The following MAPKBP1 variants were observed in gnomAD, a reference collection of about 807,000 sequenced individuals.
The protein encoded by MAPKBP1 is mitogen-activated protein kinase-binding protein 1.
Under a neutral mutation model 170.5 loss-of-function variants are expected in MAPKBP1, and 71 were observed. That is an observed-to-expected ratio of 0.42 (90% CI 0.34 to 0.51). The LOEUF (loss-of-function observed/expected upper bound fraction) is 0.51, where lower values mean the gene tolerates loss of function less well. MAPKBP1 is among the 20% of genes least tolerant of loss of function. MAPKBP1 has a pLI of 0.06. For synonymous variants in MAPKBP1, 719 were observed against 757.9 expected, an observed-to-expected ratio of 0.95 and a Z score of 0.84; for missense variants, 1,598 against 1,933.0, an observed-to-expected ratio of 0.83 and a Z score of 3.25.
In MAPKBP1 at chr15:41,824,074, C is replaced by T; in HGVS notation, c.4213+13C>T. 6.3e-7 allele frequency: 1 copy of T among 1,582,582 alleles called. No individual in the cohort carries two copies. The highest frequency in any genetic ancestry group is 8.6e-7 in the Non-Finnish European group (1 of 1,167,748). On this transcript the variant is annotated intron_variant, in intron 29 of 30. Transcript: ENST00000457542. ...AGCCAGGACTCAGGTGTGCACAGCT[C>T]CCCAGCTCTCATCTCCTGCCCCATC...
At position 41,811,918 on chromosome 15, in the gene MAPKBP1, G is replaced by T. The variant is rs771497491; in HGVS notation, c.328-39G>T. The stretch of plus-strand genomic sequence containing the variant: ...CGAAGTGGGGCTGTATGCCTGTGGA[G>T]AAGTCAAGAACTCACTTCCAGTTCT... On this transcript the variant is annotated intron_variant, in intron 5 of 30. Coordinates refer to ENST00000457542, the MANE Select transcript of MAPKBP1 (RefSeq NM_014994.3). 8.1e-6 allele frequency: 13 copies of T among 1,609,602 alleles called. No individual in the cohort carries two copies. The South Asian group carries it at 1.3e-4, about 16-fold the overall frequency.
At position 41,820,813 on chromosome 15, in the gene MAPKBP1, A is replaced by T. The variant is rs754167737; in HGVS notation, c.2482-19A>T. On this transcript the variant is annotated intron_variant, in intron 22 of 30. Transcript: ENST00000457542. ...GTGTGGTTGTTGTTACTCCTCCCCCACCCCCTACCTCCCACCAGGCACAGG... is the reference window on the plus strand; with the variant it reads ...GTGTGGTTGTTGTTACTCCTCCCCCTCCCCCTACCTCCCACCAGGCACAGG... The T allele has an allele frequency of 6.3e-7, 1 of 1,594,842 alleles. No homozygotes were observed. Among genetic ancestry groups the T allele is most frequent in the South Asian group, 1.1e-5 (1 of 90,280 alleles).
intron 3 of MAPKBP1, among the ~76,000 whole-genome samples, chr15:41,801,490 G>A (rs558319834): frequency 6.6e-6 from 1 of 152,128 alleles, no homozygotes; most frequent in South Asian, 2.1e-4. Flanking sequence ...AATTTTCATA[G>A]CAACTTTTAT....
chr15:41,809,770 C>T (rs1242290551), intron 3 of MAPKBP1, among the ~76,000 whole-genome samples: 1 of 152,268 alleles, frequency 6.6e-6, no homozygotes, highest in Admixed American at 6.5e-5. Context: ...CCGGAGCTGC[C>T]TCTGGAAAGG....
chr15:41,799,416 T>G (rs1017771398), intron 2 of MAPKBP1, among the ~76,000 whole-genome samples: 4 of 152,120 alleles, frequency 2.6e-5, no homozygotes, highest in African/African-American at 9.7e-5. Context: ...GGCCTTTCCT[T>G]CATGCCTGCC....
At chr15:41,784,656 C>T (rs986140818) in intron 2 of MAPKBP1, among the ~76,000 whole-genome samples, 1 of 151,866 alleles carries the variant, frequency 6.6e-6, no homozygotes, top group African/African-American at 2.4e-5. Context: ...GTGGCGCACA[C>T]CTGTAGTCCC....
intron 3 of MAPKBP1, among the ~76,000 whole-genome samples, chr15:41,802,686 C>A (rs2064618217): frequency 6.6e-6 from 1 of 152,206 alleles, no homozygotes; most frequent in African/African-American, 2.4e-5. Context: ...GTTGGCCAGG[C>A]TGGTCTTGAA....
intron 2 of MAPKBP1, among the ~76,000 whole-genome samples, chr15:41,789,971 G>A (rs1373586674): frequency 6.6e-6 from 1 of 152,132 alleles, no homozygotes. Flanking sequence ...ATGGTTTCTG[G>A]AACCAGACAG....
chr15:41,813,021 A>G lies in MAPKBP1; in HGVS notation c.739A>G (p.Ser247Gly). 1.2e-6 allele frequency: 2 copies of G among 1,614,124 alleles called. No homozygotes were observed. The highest frequency in any genetic ancestry group is 2.2e-5 in the South Asian group (2 of 91,076). ...VACGRGKKADSTFCITSSGLL... is the reference protein window; with the variant it reads ...VACGRGKKADGTFCITSSGLL... ...CTGTGGCAGAGGAAAAAAGGCGGAC[A>G]GTACCTTCTGCATCACGTCCTCAGG... Residue 247 changes from serine to glycine, a missense_variant, in exon 8 of 31, where the codon AGT becomes GGT. Ser to Gly is a moderately conservative substitution (Grantham distance 56). Coordinates refer to ENST00000457542, the MANE Select transcript of MAPKBP1 (RefSeq NM_014994.3).
At chr15:41,816,415 C>T (rs943003253) in intron 12 of MAPKBP1, 144 bp from the exon 13 acceptor site, 16 of 600,646 alleles carry the variant, frequency 2.7e-5, no homozygotes, top group African/African-American at 1.5e-4. Flanking sequence ...GAAATATAGA[C>T]GCTCTCTGTT....
At chr15:41,824,106 C>T in intron 29 of MAPKBP1, 45 bp downstream of exon 29, 3 of 1,546,290 alleles carry the variant, frequency 1.9e-6, no homozygotes, top group Non-Finnish European at 2.6e-6. Flanking sequence ...CATCCTTACT[C>T]TCCCCTCTCT....
chr15:41,778,874 TG>T lies in MAPKBP1; in HGVS notation c.114+3486del, dbSNP rs536306349. Among the ~76,000 whole-genome samples, 33 of 152,328 alleles carry T rather than the reference TG, an allele frequency of 2.2e-4. No individual in the cohort carries two copies. In the South Asian group the frequency reaches 6.8e-3, roughly 32 times the overall value. On this transcript the variant is annotated intron_variant, in intron 2 of 30. Transcript: ENST00000457542. ...AAAAGGATTGTCTGTGCTGGAGGGTTGCTAGATTTTTAAAAAGTAACTGAAG... is the reference window on the plus strand; with the variant it reads ...AAAAGGATTGTCTGTGCTGGAGGGTTCTAGATTTTTAAAAAGTAACTGAAG...
At position 41,792,569 on chromosome 15, in the gene MAPKBP1, CT is replaced by C. The variant is rs1207033865; in HGVS notation, c.115-7252del. Among the ~76,000 whole-genome samples the C allele has an allele frequency of 7.2e-5, 11 of 152,306 alleles. No homozygotes were observed. In the East Asian group the frequency reaches 1.7e-3, roughly 24 times the overall value. ...GAACCAAGTGGGTCCTCTCTTCTTC[CT>C]TCTGAGTTTCCACTTGTGCATGAAG... On this transcript the variant is annotated intron_variant, in intron 2 of 30. Transcript: ENST00000457542.
rs1349157716 is a variant in MAPKBP1, at chr15:41,818,268, C to T, written c.2055C>T (p.Ser685=). 7 of 1,614,026 alleles carry T rather than the reference C, an allele frequency of 4.3e-6. No individual in the cohort carries two copies. In the East Asian group the frequency reaches 1.6e-4, roughly 36 times the overall value. ...SDKNLSIFDF[S]SGECVATMFG... Reference sequence around the variant, plus strand: ...AGAATCTCTCCATTTTTGACTTCTCCTCAGGCGAGTGCGTGGCCACCATGT... The same window carrying T: ...AGAATCTCTCCATTTTTGACTTCTCTTCAGGCGAGTGCGTGGCCACCATGT... The change falls in exon 18 of 31, where the codon TCC becomes TCT. Residue 685 remains serine, a synonymous_variant. Transcript: ENST00000457542. This position sits in a 1 kb window ranked among gnomAD's most constrained non-coding sequence, Gnocchi z 5.2.
intron 2 of MAPKBP1, among the ~76,000 whole-genome samples, chr15:41,794,531 C>G (rs2064452097): frequency 6.6e-6 from 1 of 152,160 alleles, no homozygotes; most frequent in African/African-American, 2.4e-5. Context: ...ATTAAGTGCC[C>G]TTTCTGCTTG....
At chr15:41,821,096 G>A in intron 23 of MAPKBP1, 28 bp downstream of exon 23, 1 of 1,609,640 alleles carries the variant, frequency 6.2e-7, no homozygotes, top group Non-Finnish European at 8.5e-7. Context: ...CAGCTCTCTA[G>A]AGAGTTCCAA....
chr15:41,809,073 CAAA>C (rs34394712), intron 3 of MAPKBP1, among the ~76,000 whole-genome samples: 1 of 113,886 alleles, frequency 8.8e-6, no homozygotes, highest in Non-Finnish European at 1.8e-5. Flanking sequence ...GACCCTGCCT[CAAA>C]AAAAAAAAAA....
chr15:41,775,354 A>G lies in MAPKBP1; in HGVS notation c.79A>G (p.Lys27Glu). 6.2e-7 allele frequency: 1 copy of G among 1,614,194 alleles called. No homozygotes were observed. Among genetic ancestry groups the G allele is most frequent in the South Asian group, 1.1e-5 (1 of 91,090 alleles). ...TCCATCCATCAAACTGCGCAGGAGT[A>G]AGGCAGGAAACCGACGAGAGGACCT... ...RSPSIKLRRSKAGNRREDLSS... is the reference protein window; with the variant it reads ...RSPSIKLRRSEAGNRREDLSS... Residue 27 changes from lysine (K) to glutamate (E), a missense_variant, in exon 2 of 31, where the codon AAG becomes GAG. Physicochemically the swap from Lys to Glu is moderately conservative, Grantham distance 56. Around this residue, in one of 6 missense-constraint regions of MAPKBP1, gnomAD observed 151 missense variants for 191.4 expected, o/e 0.79. Transcript: ENST00000457542.
intron 6 of MAPKBP1, 101 bp from the exon 7 acceptor site, chr15:41,812,411 AACAC>A: frequency 2.7e-6 from 4 of 1,494,712 alleles, no homozygotes; most frequent in Non-Finnish European, 3.7e-6. Flanking sequence ...TCTGGAAAGA[AACAC>A]TTTGTCAAGT....
Sources: allele counts gnomAD v4.1 joint callset (sites outside exome capture counted in the v4.1 genomes callset), GRCh38; gene constraint gnomAD v4.1.1; regional missense constraint gnomAD v4.1.1; non-coding constraint Gnocchi (gnomAD v3.1); transcripts MANE v1.5; gene names NCBI Gene and HGNC (gene_info 2026-07-23, HGNC 2026-07-21).